KLHL1: variants seen among roughly 807,000 people sequenced by gnomAD.
KLHL1 encodes kelch-like protein 1.
A neutral mutation model predicts 77.7 loss-of-function variants in KLHL1; 47 were observed. The observed-to-expected ratio is 0.60, with a 90% CI of 0.48 to 0.77. The LOEUF (loss-of-function observed/expected upper bound fraction) is 0.77. Ranked by LOEUF, KLHL1 falls within the 30% of genes least tolerant of loss-of-function variation. The probability of loss-of-function intolerance (pLI) is 0.00; values close to 1 mark genes in which losing one functional copy is unlikely to be tolerated. For missense variants in KLHL1, 925 were observed against 910.8 expected, an observed-to-expected ratio of 1.02 and a Z score of -0.20; for synonymous variants, 360 against 325.2, an observed-to-expected ratio of 1.11 and a Z score of -1.15.
At chr13:69,840,698 A>ATATATGTATGTATGTATG (rs976775077) in intron 5 of KLHL1, among the ~76,000 whole-genome samples, 22 of 146,276 alleles carry the variant, frequency 1.5e-4, no homozygotes, top group African/African-American at 5.3e-4. Context: ...ATATATATAT[A>ATATATGTATGTATGTATG]TATGTATGTA....
At chr13:70,029,042 G>T (rs1189678110) in intron 1 of KLHL1, among the ~76,000 whole-genome samples, 1 of 151,806 alleles carries the variant, frequency 6.6e-6, no homozygotes, top group Non-Finnish European at 1.5e-5. Flanking sequence ...ACAAAAGCAA[G>T]GATTGCTATG....
chr13:69,737,270 C>A (rs1261718230), intron 8 of KLHL1, among the ~76,000 whole-genome samples: 1 of 152,182 alleles, frequency 6.6e-6, no homozygotes, highest in Non-Finnish European at 1.5e-5. Context: ...GCTGCTCGGG[C>A]AGGCAGCTGC....
intron 3 of KLHL1, among the ~76,000 whole-genome samples, chr13:69,945,598 T>A (rs983100759): frequency 6.6e-6 from 1 of 152,214 alleles, no homozygotes; most frequent in African/African-American, 2.4e-5. Flanking sequence ...ACTAAATTTT[T>A]AAAAAACTGG....
chr13:69,867,913 T>C (rs1211450405), intron 5 of KLHL1, among the ~76,000 whole-genome samples: 1 of 151,146 alleles, frequency 6.6e-6, no homozygotes, highest in Non-Finnish European at 1.5e-5. Context: ...AATAACGAGT[T>C]AATGGGTGCA....
At chr13:69,843,408 T>C (rs9542098) in intron 5 of KLHL1, among the ~76,000 whole-genome samples, 140,274 of 151,690 alleles carry the variant, frequency 0.92, 65,219 homozygotes, top group East Asian at 0.99. Context: ...GACATAGATT[T>C]AAATATCTTT....
intron 1 of KLHL1, among the ~76,000 whole-genome samples, chr13:70,055,282 A>C (rs1886718660): frequency 6.6e-6 from 1 of 152,160 alleles, no homozygotes; most frequent in African/African-American, 2.4e-5. Context: ...CACATATTTG[A>C]TGTGCTGAAG....
At chr13:69,855,500 A>C (rs1879874432) in intron 5 of KLHL1, among the ~76,000 whole-genome samples, 1 of 119,654 alleles carries the variant, frequency 8.4e-6, no homozygotes, top group Admixed American at 7.6e-5. Context: ...TAATCCCCAT[A>C]ATTTCCACAT....
chr13:69,928,220 A>G (rs948950086), intron 4 of KLHL1, among the ~76,000 whole-genome samples: 1 of 152,184 alleles, frequency 6.6e-6, no homozygotes, highest in Non-Finnish European at 1.5e-5. Flanking sequence ...ATAGAGGAAA[A>G]TCATCAGCTA....
At chr13:69,877,414 A>AAATAGCAG (rs929396220) in intron 5 of KLHL1, among the ~76,000 whole-genome samples, 4 of 152,166 alleles carry the variant, frequency 2.6e-5, no homozygotes, top group Admixed American at 6.5e-5. Context: ...CCAGAAAGAA[A>AAATAGCAG]AATAGCAGAA....
At chr13:69,829,563 C>T (rs569317505) in intron 6 of KLHL1, among the ~76,000 whole-genome samples, 1 of 150,078 alleles carries the variant, frequency 6.7e-6, no homozygotes, top group African/African-American at 2.5e-5. Flanking sequence ...CACACTAGCT[C>T]ACCAACAATG....
At chr13:69,789,870 A>T (rs756799460) in intron 7 of KLHL1, among the ~76,000 whole-genome samples, 3 of 152,156 alleles carry the variant, frequency 2.0e-5, no homozygotes, top group Non-Finnish European at 4.4e-5. Flanking sequence ...CAAAGGTTGA[A>T]GCAACATTAA....
chr13:69,961,711 ATAT>A (rs1373083842), intron 2 of KLHL1, among the ~76,000 whole-genome samples: 2 of 152,020 alleles, frequency 1.3e-5, no homozygotes, highest in African/African-American at 4.8e-5. Context: ...CTTAAATAAT[ATAT>A]TATAGTTTTC....
chr13:69,786,033 A>G (rs1278915518), intron 7 of KLHL1, among the ~76,000 whole-genome samples: 2 of 152,170 alleles, frequency 1.3e-5, no homozygotes, highest in African/African-American at 4.8e-5. Flanking sequence ...CCCCCCAAAA[A>G]GAGTCCAGGA....
At chr13:69,828,158 G>A (rs1878619769) in intron 6 of KLHL1, among the ~76,000 whole-genome samples, 1 of 150,316 alleles carries the variant, frequency 6.7e-6, no homozygotes, top group Admixed American at 6.6e-5. Context: ...CAGACCCTTT[G>A]AAAGAAGTGG....
intron 1 of KLHL1, among the ~76,000 whole-genome samples, chr13:70,031,530 T>C (rs1370514690): frequency 6.6e-6 from 1 of 152,210 alleles, no homozygotes; most frequent in Non-Finnish European, 1.5e-5. Context: ...TTAGGCATTG[T>C]CTAAAATATT....
intron 7 of KLHL1, among the ~76,000 whole-genome samples, chr13:69,745,554 A>T (rs891096208): frequency 1.3e-5 from 2 of 152,002 alleles, no homozygotes; most frequent in Non-Finnish European, 2.9e-5. Context: ...TTTTTAAAGC[A>T]ATAATGTTGG....
intron 4 of KLHL1, among the ~76,000 whole-genome samples, chr13:69,913,717 C>T (rs1882320739): frequency 6.6e-6 from 1 of 152,198 alleles, no homozygotes; most frequent in Non-Finnish European, 1.5e-5. Context: ...TACAAAACTG[C>T]AATATTGTAG....
intron 1 of KLHL1, among the ~76,000 whole-genome samples, chr13:70,092,955 T>C (rs1887702216): frequency 6.6e-6 from 1 of 152,122 alleles, no homozygotes; most frequent in Admixed American, 6.6e-5. Context: ...ATAATACTTA[T>C]GAAACTTTAT....
chr13:70,107,782 G>C lies in KLHL1; in HGVS notation c.-83C>G, dbSNP rs1341212269. 6.3e-6 allele frequency: 7 copies of C among 1,110,962 alleles called. No homozygotes were observed. Among genetic ancestry groups the C allele is most frequent in the Non-Finnish European group, 8.7e-6 (7 of 803,864 alleles). 68.8% of individuals were successfully genotyped at this position (1,110,962 alleles called of 1,614,324 possible). On this transcript the variant is annotated 5_prime_UTR_variant, in exon 1 of 11. Transcript: ENST00000377844. ...GGTGGGGGAGGACAGCGGGGCCCGG[G>C]GGCGGAGGAAGAGGCGGGATGCGCC...
Sources: gnomAD v4.1 joint callset for allele counts (sites outside exome capture counted in the v4.1 genomes callset) on GRCh38, gnomAD v4.1.1 for gene constraint, MANE v1.5 for transcripts, NCBI Gene and HGNC (gene_info 2026-07-23, HGNC 2026-07-21) for gene names.